KPNA1: variants seen among roughly 807,000 people sequenced by gnomAD.
The protein encoded by KPNA1 is karyopherin subunit alpha 1.
In KPNA1, 10 loss-of-function variants were observed where a neutral mutation model predicts 70.5. The observed-to-expected ratio is 0.14, with a 90% confidence interval of 0.09 to 0.24. The LOEUF is 0.24. Ranked by LOEUF, KPNA1 falls within the 10% of genes least tolerant of loss-of-function variation. The probability of loss-of-function intolerance (pLI) is 1.00; values close to 1 mark genes in which losing one functional copy is unlikely to be tolerated. For synonymous variants in KPNA1, 192 were observed against 221.9 expected (o/e 0.87, Z 1.20); for missense variants, 397 against 637.9 (o/e 0.62, Z 4.07).
intron 8 of KPNA1, 21 bp downstream of exon 8, chr3:122,451,513 T>C: frequency 7.1e-7 from 1 of 1,400,660 alleles, no homozygotes; most frequent in Admixed American, 1.9e-5. Flanking sequence ...TCTGCCAATG[T>C]CCCAAAAGCA....
At position 122,427,085 on chromosome 3, in the gene KPNA1, G is replaced by A. The variant is rs2075833038; in HGVS notation, c.1517C>T (p.Thr506Ile). ...TGCAATGCTGCTGTCTTCATCTTCG[G>A]TCCCGAAGTAATGCTCAATAAGATC... ...AFDLIEHYFG[T>I]EDEDSSIAPQ... The change falls in exon 14 of 14, where the codon ACC becomes ATC. Residue 506 changes from threonine (T) to isoleucine (I), a missense_variant. Thr to Ile is a moderately conservative substitution (Grantham distance 89). Coordinates refer to ENST00000344337, the MANE Select transcript of KPNA1 (RefSeq NM_002264.4). 1.9e-6 allele frequency: 3 copies of A among 1,614,102 alleles called. No individual in the cohort carries two copies. Among genetic ancestry groups the A allele is most frequent in the South Asian group, 2.2e-5 (2 of 91,082 alleles).
chr3:122,506,751 T>G (rs1427030022), intron 1 of KPNA1, among the ~76,000 whole-genome samples: 1 of 152,218 alleles, frequency 6.6e-6, no homozygotes, highest in Non-Finnish European at 1.5e-5. Context: ...GAGAGGTTTA[T>G]CATAACCTTT....
chr3:122,452,536 A>AG (rs2076214603), intron 6 of KPNA1, among the ~76,000 whole-genome samples: 2 of 34,712 alleles, frequency 5.8e-5, no homozygotes, highest in Non-Finnish European at 1.3e-4. Context: ...GAAGGAGGGA[A>AG]GGAGGGAAGG....
chr3:122,505,936 T>A (rs961325205), intron 1 of KPNA1, among the ~76,000 whole-genome samples: 1 of 152,204 alleles, frequency 6.6e-6, no homozygotes, highest in African/African-American at 2.4e-5. Context: ...CTCAGATTAA[T>A]CTCAACACCC....
intron 10 of KPNA1, among the ~76,000 whole-genome samples, chr3:122,438,073 T>C (rs1238389766): frequency 6.6e-6 from 1 of 152,202 alleles, no homozygotes; most frequent in South Asian, 2.1e-4. Context: ...CCAAATCACA[T>C]GTTGAATTGT....
At chr3:122,449,076 AT>A (rs893571185) in intron 9 of KPNA1, among the ~76,000 whole-genome samples, 42 of 152,168 alleles carry the variant, frequency 2.8e-4, no homozygotes, top group African/African-American at 1.0e-3. Context: ...TATCACTTTC[AT>A]TTTTTTCTTC....
chr3:122,451,854 T>C, intron 7 of KPNA1, 122 bp downstream of exon 7: 1 of 729,978 alleles, frequency 1.4e-6, no homozygotes, highest in South Asian at 1.9e-5. Flanking sequence ...AGAAAATATC[T>C]GGAATTAAAA....
Position 122,426,723 on chromosome 3 carries a change from C to T in KPNA1, c.*262G>A. On this transcript the variant is annotated 3_prime_UTR_variant, in exon 14 of 14. Coordinates refer to ENST00000344337, the MANE Select transcript of KPNA1 (RefSeq NM_002264.4). ...TATTCCCATAACTCTAATGTAAGTG[C>T]GGATCTCCAAAGCCTAGGGATTTTT... 2.8e-6 allele frequency: 1 copy of T among 362,448 alleles called. No individual in the cohort carries two copies. Among genetic ancestry groups the T allele is most frequent in the Non-Finnish European group, 5.0e-6 (1 of 200,992 alleles). 22.5% of individuals were successfully genotyped at this position (362,448 alleles called of 1,614,324 possible). A position where few individuals can be genotyped will look rare whatever the true frequency, so the allele number is the denominator to read the frequency against.
chr3:122,488,130 C>A (rs1378296350), intron 2 of KPNA1, among the ~76,000 whole-genome samples: 1 of 152,152 alleles, frequency 6.6e-6, no homozygotes, highest in Non-Finnish European at 1.5e-5. Flanking sequence ...CCCCGTAACT[C>A]CTATAAAAGT....
At chr3:122,498,095 T>A (rs933497748) in intron 1 of KPNA1, among the ~76,000 whole-genome samples, 1 of 152,216 alleles carries the variant, frequency 6.6e-6, no homozygotes, top group African/African-American at 2.4e-5. Context: ...TTTGCATGTG[T>A]CTATCCAGCT....
intron 5 of KPNA1, chr3:122,457,916 A>T (rs892704248): frequency 8.0e-7 from 1 of 1,248,014 alleles, no homozygotes; most frequent in Non-Finnish European, 1.0e-6. Flanking sequence ...TCTGCAGAGA[A>T]CAGTGCCTGA....
At chr3:122,440,435 A>G (rs921606622) in intron 10 of KPNA1, among the ~76,000 whole-genome samples, 3 of 152,202 alleles carry the variant, frequency 2.0e-5, no homozygotes, top group African/African-American at 4.8e-5. Flanking sequence ...TAAAACTCTG[A>G]GCTGAGAGTG....
intron 2 of KPNA1, among the ~76,000 whole-genome samples, chr3:122,492,428 AC>A (rs2076711001): frequency 6.6e-6 from 1 of 152,254 alleles, no homozygotes; most frequent in Non-Finnish European, 1.5e-5. Context: ...AATGAAAGCC[AC>A]AAATGAAATT....
chr3:122,442,011 CAA>C, intron 10 of KPNA1, 25 bp downstream of exon 10: 2 of 1,508,662 alleles, frequency 1.3e-6, no homozygotes, highest in Non-Finnish European at 9.2e-7. Context: ...TTTTAAAGGA[CAA>C]AAAAAAGTTA....
At chr3:122,500,492 A>G (rs2107502620) in intron 1 of KPNA1, among the ~76,000 whole-genome samples, 1 of 146,456 alleles carries the variant, frequency 6.8e-6, no homozygotes, top group East Asian at 2.1e-4. Flanking sequence ...CTCCTCTTTC[A>G]TTTCTAATTT....
intron 3 of KPNA1, among the ~76,000 whole-genome samples, chr3:122,467,006 C>T (rs1456708056): frequency 7.0e-6 from 1 of 141,956 alleles, no homozygotes; most frequent in African/African-American, 2.6e-5. Flanking sequence ...GTCTCTAAAA[C>T]ATAAATAAAT....
rs1576264486 is a variant in KPNA1 at position 122,424,953 on chromosome 3, T to G, written c.*2032A>C. Reference sequence around the variant, plus strand: ...TTAAATTAACCACCTAATTTATCCCTAAAATTACAAAGAATCAGTCTTTTA... The same window carrying G: ...TTAAATTAACCACCTAATTTATCCCGAAAATTACAAAGAATCAGTCTTTTA... On this transcript the variant is annotated 3_prime_UTR_variant, in exon 14 of 14. Transcript: ENST00000344337. 1 of 152,776 alleles carries G rather than the reference T, an allele frequency of 6.5e-6. No homozygotes were observed. Among genetic ancestry groups the G allele is most frequent in the South Asian group, 2.1e-4 (1 of 4,828 alleles). The allele number at this position is 152,776 out of a possible 1,614,324, so 9.5% of individuals were successfully genotyped here. A position where few individuals can be genotyped will look rare whatever the true frequency, so the allele number is the denominator to read the frequency against.
At position 122,426,957 on chromosome 3, in the gene KPNA1, C is replaced by T. The variant is rs2107712289; in HGVS notation, c.*28G>A. On this transcript the variant is annotated 3_prime_UTR_variant, in exon 14 of 14. Coordinates refer to ENST00000344337, the MANE Select transcript of KPNA1 (RefSeq NM_002264.4). ...GACTCGACTGGGTAGCCTGGTCTGA[C>T]ACAGGTACGTGAAAGCAGAGTATTG... 6.3e-7 allele frequency: 1 copy of T among 1,597,312 alleles called. No individual in the cohort carries two copies. The highest frequency in any genetic ancestry group is 1.3e-5 in the African/African-American group (1 of 74,698).
intron 1 of KPNA1, among the ~76,000 whole-genome samples, chr3:122,509,994 A>C (rs1278342342): frequency 6.6e-6 from 1 of 152,230 alleles, no homozygotes; most frequent in Non-Finnish European, 1.5e-5. Context: ...AAGGAAGATC[A>C]CATACAAACA....
Sources: gnomAD v4.1 joint callset for allele counts (sites outside exome capture counted in the v4.1 genomes callset) on GRCh38, gnomAD v4.1.1 for gene constraint, MANE v1.5 for transcripts, NCBI Gene and HGNC (gene_info 2026-07-23, HGNC 2026-07-21) for gene names.